Variants in MACROD2 observed in about 807,000 individuals in gnomAD.
MACROD2 encodes ADP-ribose glycohydrolase MACROD2.
In MACROD2, 36 loss-of-function variants were observed where a neutral mutation model predicts 70.4. That is an observed-to-expected ratio of 0.51 (90% confidence interval 0.39 to 0.68). MACROD2 has a LOEUF of 0.68. Among genes scored for constraint, MACROD2 ranks in the 30% least tolerant of loss-of-function variants. MACROD2 has a pLI of 0.00. For synonymous variants in MACROD2, 172 were observed against 178.8 expected, an observed-to-expected ratio of 0.96 and a Z score of 0.30; for missense variants, 496 against 538.4, an observed-to-expected ratio of 0.92 and a Z score of 0.78.
intron 5 of MACROD2, among the ~76,000 whole-genome samples, chr20:14,982,140 C>G (rs1288064300): frequency 6.6e-6 from 1 of 152,132 alleles, no homozygotes; most frequent in East Asian, 1.9e-4. Flanking sequence ...TATTTTGTCC[C>G]TGCCCTAGAG....
At chr20:14,010,429 T>C (rs1478118466) in intron 2 of MACROD2, among the ~76,000 whole-genome samples, 2 of 152,130 alleles carry the variant, frequency 1.3e-5, no homozygotes, top group Admixed American at 6.6e-5. Flanking sequence ...GAGGCAGGCA[T>C]GCGTGATGCA....
chr20:14,835,634 T>G (rs1459623844), intron 5 of MACROD2, among the ~76,000 whole-genome samples: 2 of 152,080 alleles, frequency 1.3e-5, no homozygotes, highest in African/African-American at 4.8e-5. Flanking sequence ...TTGTAGTTGC[T>G]TGAGGTCAAT....
Position 15,098,254 on chromosome 20 carries a change from T to C in MACROD2, c.419-131686T>C, listed in dbSNP as rs536231660. Among the ~76,000 whole-genome samples the C allele has an allele frequency of 2.0e-5, 3 of 152,286 alleles. No homozygotes were observed. In the South Asian group the frequency reaches 6.2e-4, roughly 32 times the overall value. On this transcript the variant is annotated intron_variant, in intron 5 of 17. Transcript: ENST00000684519. ...TTGAACAAAGGGTCTCACATTTTCA[T>C]TTCATAGCAGGTCTCACAGATTATG...
chr20:14,891,043 C>T (rs956931921), intron 5 of MACROD2, among the ~76,000 whole-genome samples: 19 of 142,134 alleles, frequency 1.3e-4, no homozygotes, highest in African/African-American at 4.8e-4. Flanking sequence ...TCCTTTTCCT[C>T]CTTTCCTTCT....
intron 9 of MACROD2, among the ~76,000 whole-genome samples, chr20:15,872,062 G>A (rs886386557): frequency 5.3e-5 from 8 of 152,106 alleles, no homozygotes; most frequent in South Asian, 2.1e-4. Context: ...TTTCCACTCC[G>A]TAATGCTTCT....
chr20:15,778,643 TTTTACTTTAGGTAC>T (rs1172592893), intron 8 of MACROD2, among the ~76,000 whole-genome samples: 1 of 151,998 alleles, frequency 6.6e-6, no homozygotes, highest in Admixed American at 6.6e-5. Flanking sequence ...ACCCTAAATA[TTTTACTTTAGGTAC>T]AGAGGTTATA....
At chr20:14,087,954 A>C (rs1000740546) in intron 3 of MACROD2, among the ~76,000 whole-genome samples, 1 of 152,138 alleles carries the variant, frequency 6.6e-6, no homozygotes, top group Non-Finnish European at 1.5e-5. Flanking sequence ...ACACATATAA[A>C]TAAAAGATAT....
chr20:14,236,793 G>A (rs940011413), intron 3 of MACROD2, among the ~76,000 whole-genome samples: 5 of 151,848 alleles, frequency 3.3e-5, no homozygotes, highest in Non-Finnish European at 7.4e-5. Flanking sequence ...CTGCCTTCTT[G>A]TATCAACCAT....
At chr20:15,868,536 C>A (rs2147174800) in intron 9 of MACROD2, among the ~76,000 whole-genome samples, 1 of 151,046 alleles carries the variant, frequency 6.6e-6, no homozygotes, top group East Asian at 2.0e-4. Flanking sequence ...CAATGAAGAA[C>A]AAATTCACTA....
intron 3 of MACROD2, among the ~76,000 whole-genome samples, chr20:14,462,584 G>T (rs1457650802): frequency 4.6e-5 from 6 of 130,262 alleles, no homozygotes; most frequent in Non-Finnish European, 3.4e-5. Flanking sequence ...ATTGCTTTTG[G>T]TGTTTTAGAC....
chr20:14,432,712 C>T (rs1368875293), intron 3 of MACROD2, among the ~76,000 whole-genome samples: 2 of 152,044 alleles, frequency 1.3e-5, no homozygotes, highest in African/African-American at 4.8e-5. Flanking sequence ...CAGAGTCTGT[C>T]ATCTGTAGTC....
intron 6 of MACROD2, among the ~76,000 whole-genome samples, chr20:15,348,399 T>G (rs898572301): frequency 2.0e-5 from 3 of 152,192 alleles, no homozygotes; most frequent in Non-Finnish European, 4.4e-5. Flanking sequence ...AATTTGAGGT[T>G]TGATCTTTTC....
chr20:15,150,192 G>C (rs2076259280), intron 5 of MACROD2, among the ~76,000 whole-genome samples: 1 of 151,994 alleles, frequency 6.6e-6, no homozygotes, highest in Non-Finnish European at 1.5e-5. Flanking sequence ...ATCTGTGAGG[G>C]CTTGCAGCAG....
At chr20:14,466,884 T>C (rs2084457829) in intron 3 of MACROD2, among the ~76,000 whole-genome samples, 1 of 152,048 alleles carries the variant, frequency 6.6e-6, no homozygotes. Flanking sequence ...TGCCTGATCG[T>C]TCCTCTGGAA....
intron 2 of MACROD2, among the ~76,000 whole-genome samples, chr20:14,033,966 A>ATTTATTTT (rs1050548842): frequency 6.6e-6 from 1 of 150,534 alleles, no homozygotes; most frequent in African/African-American, 2.5e-5. Context: ...TTTTTATTTT[A>ATTTATTTT]TTTATTTATT....
chr20:15,893,829 A>G (rs1437757085), intron 10 of MACROD2: 1 of 456,806 alleles, frequency 2.2e-6, no homozygotes, highest in Admixed American at 2.3e-5. Flanking sequence ...GAAGATGCCA[A>G]GATGGAAGCA....
intron 4 of MACROD2, 70 bp downstream of exon 4, chr20:14,493,578 G>A: frequency 7.9e-7 from 1 of 1,258,730 alleles, no homozygotes; most frequent in South Asian, 1.3e-5. Context: ...TATTTAGTAA[G>A]TTCTGTGACA....
At chr20:15,582,387 G>C (rs1418084334) in intron 8 of MACROD2, among the ~76,000 whole-genome samples, 1 of 152,178 alleles carries the variant, frequency 6.6e-6, no homozygotes, top group East Asian at 1.9e-4. Context: ...GGCATGTCAT[G>C]AGTGCCTGGT....
At chr20:15,283,022 T>C (rs1257703404) in intron 6 of MACROD2, among the ~76,000 whole-genome samples, 9 of 152,124 alleles carry the variant, frequency 5.9e-5, no homozygotes, top group Admixed American at 5.9e-4. Context: ...CAGGACGAAA[T>C]AAGTGCAAGC....
Sources: allele counts gnomAD v4.1 joint callset (sites outside exome capture counted in the v4.1 genomes callset), GRCh38; gene constraint gnomAD v4.1.1; transcripts MANE v1.5; gene names NCBI Gene and HGNC (gene_info 2026-07-23, HGNC 2026-07-21).